Variants in COL21A1 observed in about 807,000 individuals in gnomAD.
The protein encoded by COL21A1 is collagen type XXI alpha 1 chain.
Under a neutral mutation model 137.9 loss-of-function variants are expected in COL21A1, and 149 were observed. The observed-to-expected ratio is 1.08, with a 90% CI of 0.95 to 1.24. COL21A1 has a LOEUF of 1.24. Among genes scored for constraint, COL21A1 ranks in the 50% most tolerant of loss-of-function variants. The probability of loss-of-function intolerance (pLI) is 0.00; values close to 1 mark genes in which losing one functional copy is unlikely to be tolerated. For synonymous variants in COL21A1, 456 were observed against 391.5 expected (o/e 1.16, Z -1.95); for missense variants, 1,167 against 1,158.4 (o/e 1.01, Z -0.11).
chr6:56,121,569 T>C (rs1303845306), intron 16 of COL21A1, among the ~76,000 whole-genome samples: 2 of 147,682 alleles, frequency 1.4e-5, no homozygotes, highest in Non-Finnish European at 3.0e-5. Flanking sequence ...TGTATATATA[T>C]ATATGTATAT....
At chr6:56,293,171 A>T (rs1764091431) in intron 1 of COL21A1, among the ~76,000 whole-genome samples, 1 of 152,200 alleles carries the variant, frequency 6.6e-6, no homozygotes, top group South Asian at 2.1e-4. Context: ...TTTTAAACAC[A>T]TTATTAATTC....
At position 56,057,377 on chromosome 6, in the gene COL21A1, C is replaced by A; in HGVS notation, c.*280G>T. On this transcript the variant is annotated 3_prime_UTR_variant, in exon 30 of 30. Transcript: ENST00000244728. ...TGACTAAAACTGACTGGCTAACAGG[C>A]AATGGTGGATTTTTATATTCAACTT... The A allele has an allele frequency of 2.7e-6, 1 of 374,914 alleles. No individual in the cohort carries two copies. The highest frequency in any genetic ancestry group is 4.8e-6 in the Non-Finnish European group (1 of 207,126). 23.2% of individuals were successfully genotyped at this position (374,914 alleles called of 1,614,324 possible). A position where few individuals can be genotyped will look rare whatever the true frequency, so the allele number is the denominator to read the frequency against.
intron 1 of COL21A1, among the ~76,000 whole-genome samples, chr6:56,307,760 G>A (rs1328751169): frequency 6.6e-6 from 1 of 152,188 alleles, no homozygotes; most frequent in East Asian, 1.9e-4. Context: ...TCCCCAGTGA[G>A]ATGAACCCGG....
At chr6:56,246,278 A>G (rs559491370) in intron 1 of COL21A1, among the ~76,000 whole-genome samples, 2 of 152,316 alleles carry the variant, frequency 1.3e-5, no homozygotes, top group African/African-American at 2.4e-5. Context: ...GGAACATTTC[A>G]TCAGGGGTCA....
At chr6:56,100,049 T>C (rs1170163581) in intron 17 of COL21A1, among the ~76,000 whole-genome samples, 2 of 152,236 alleles carry the variant, frequency 1.3e-5, no homozygotes, top group African/African-American at 4.8e-5. Flanking sequence ...AGGTTTACTT[T>C]TCAAACTTGC....
intron 12 of COL21A1, among the ~76,000 whole-genome samples, chr6:56,139,112 A>T (rs978218063): frequency 6.6e-6 from 1 of 152,128 alleles, no homozygotes; most frequent in African/African-American, 2.4e-5. Flanking sequence ...TTTCTGTCTG[A>T]TTGTTTCAGA....
intron 1 of COL21A1, among the ~76,000 whole-genome samples, chr6:56,327,463 A>G (rs1324842647): frequency 6.6e-6 from 1 of 152,092 alleles, no homozygotes; most frequent in Non-Finnish European, 1.5e-5. Flanking sequence ...GGCCTGGGGA[A>G]TGGAAGACAC....
intron 10 of COL21A1, among the ~76,000 whole-genome samples, chr6:56,148,368 G>GAGAGAGAGAGAGAGAA (rs1208798741): frequency 1.1e-3 from 158 of 150,210 alleles, no homozygotes; most frequent in African/African-American, 3.8e-3. Context: ...GAGAGAGAGA[G>GAGAGAGAGAGAGAGAA]AAACACATAA....
At chr6:56,355,953 CA>C (rs1765818935) in intron 1 of COL21A1, among the ~76,000 whole-genome samples, 1 of 152,134 alleles carries the variant, frequency 6.6e-6, no homozygotes, top group Non-Finnish European at 1.5e-5. Context: ...CTGAAGCTCC[CA>C]AAAAAGTGGA....
chr6:56,329,754 A>C (rs1378424862), intron 1 of COL21A1, among the ~76,000 whole-genome samples: 6 of 152,116 alleles, frequency 3.9e-5, no homozygotes, highest in Non-Finnish European at 7.4e-5. Flanking sequence ...CCATAGGTGT[A>C]GCATGTAGTC....
chr6:56,365,598 A>C (rs1766079948), intron 1 of COL21A1, among the ~76,000 whole-genome samples: 1 of 152,000 alleles, frequency 6.6e-6, no homozygotes, highest in Admixed American at 6.6e-5. Flanking sequence ...AGTGTTTATA[A>C]TTTTCTAAAA....
At chr6:56,297,438 C>G (rs1031514538) in intron 1 of COL21A1, among the ~76,000 whole-genome samples, 2 of 152,092 alleles carry the variant, frequency 1.3e-5, no homozygotes, top group Non-Finnish European at 2.9e-5. Flanking sequence ...TCTGGACTTA[C>G]AAAGACAGAC....
rs1228444477 is a variant in COL21A1 at position 56,097,890 on chromosome 6, T to G, written c.1812+3582A>C. Among the ~76,000 whole-genome samples, 344 of 89,404 alleles carry G rather than the reference T, an allele frequency of 3.8e-3. 33 individuals carry two copies. The highest frequency in any genetic ancestry group is 4.8e-3 in the Non-Finnish European group (226 of 47,500). The allele number at this position is 89,404 out of a possible 152,430, so 58.7% of individuals were successfully genotyped here. ...AAATATCTATAAATATATAAATATA[T>G]ATAAATATATAAATATATAAATATA... On this transcript the variant is annotated intron_variant, in intron 17 of 29. Transcript: ENST00000244728.
chr6:56,349,480 A>G (rs1428673292), intron 1 of COL21A1, among the ~76,000 whole-genome samples: 1 of 152,216 alleles, frequency 6.6e-6, no homozygotes, highest in African/African-American at 2.4e-5. Context: ...GTGGTTTTTG[A>G]CCAAAAAAAT....
At chr6:56,127,931 G>T (rs1484252084) in intron 12 of COL21A1, among the ~76,000 whole-genome samples, 2 of 152,092 alleles carry the variant, frequency 1.3e-5, no homozygotes, top group East Asian at 1.9e-4. Context: ...CATCTATAGA[G>T]AACTCATGCC....
intron 1 of COL21A1, among the ~76,000 whole-genome samples, chr6:56,256,161 G>A (rs1210033010): frequency 2.0e-5 from 3 of 152,160 alleles, no homozygotes; most frequent in Non-Finnish European, 4.4e-5. Flanking sequence ...CGAGGTTAAA[G>A]ACCAGGCTAA....
In COL21A1 at chr6:56,098,558, A is replaced by AATATATAAAT. The variant is rs1769982591; in HGVS notation, c.1812+2904_1812+2913dup. Among the ~76,000 whole-genome samples, 4 of 9,204 alleles carry AATATATAAAT rather than the reference A, an allele frequency of 4.3e-4. 1 individual carries two copies. Among genetic ancestry groups the AATATATAAAT allele is most frequent in the Non-Finnish European group, 7.6e-4 (4 of 5,290 alleles). The allele number at this position is 9,204 out of a possible 152,430, so 6.0% of individuals were successfully genotyped here. A position where few individuals can be genotyped will look rare whatever the true frequency, so the allele number is the denominator to read the frequency against. On this transcript the variant is annotated intron_variant, in intron 17 of 29. Transcript: ENST00000244728. ...ATATATAAATATATAAATATATATAAATATATAAATATATATAAATATATA... is the reference window on the plus strand; with the variant it reads ...ATATATAAATATATAAATATATATAAATATATAAATATATATAAATATATATAAATATATA...
At chr6:56,258,795 G>A (rs13195010) in intron 1 of COL21A1, among the ~76,000 whole-genome samples, 31,478 of 152,088 alleles carry the variant, frequency 0.21, 4,043 homozygotes, top group Non-Finnish European at 0.29. Context: ...TGAATAATTA[G>A]CTGATAGGCA....
At chr6:56,115,768 A>C (rs1454112498) in intron 16 of COL21A1, among the ~76,000 whole-genome samples, 3 of 152,170 alleles carry the variant, frequency 2.0e-5, no homozygotes, top group East Asian at 1.9e-4. Context: ...ACTGTAAAAA[A>C]TTCAAGATAT....
Sources: gnomAD v4.1 joint callset for allele counts (sites outside exome capture counted in the v4.1 genomes callset) on GRCh38, gnomAD v4.1.1 for gene constraint, MANE v1.5 for transcripts, NCBI Gene and HGNC (gene_info 2026-07-23, HGNC 2026-07-21) for gene names.